EPB41: variants seen among roughly 807,000 people sequenced by gnomAD.
The protein encoded by EPB41 is erythrocyte membrane protein band 4.1, also known as protein 4.1.
A neutral mutation model predicts 108.0 loss-of-function variants in EPB41; 65 were observed. The ratio of observed to expected loss-of-function variants is 0.60; its 90% CI spans 0.49 to 0.74. The LOEUF is 0.74. Among genes scored for constraint, EPB41 ranks in the 30% least tolerant of loss-of-function variants. EPB41 has a pLI of 0.00. For missense variants in EPB41, 875 were observed against 1,037.0 expected, an observed-to-expected ratio of 0.84 and a Z score of 2.15; for synonymous variants, 336 against 358.9, an observed-to-expected ratio of 0.94 and a Z score of 0.72.
chr1:28,968,529 G>A (rs2095416320), intron 1 of EPB41, among the ~76,000 whole-genome samples: 1 of 151,984 alleles, frequency 6.6e-6, no homozygotes. Context: ...ATTTATGATT[G>A]TATAGAGAAT....
chr1:28,922,101 C>G (rs1009597850), intron 1 of EPB41, among the ~76,000 whole-genome samples: 28 of 150,648 alleles, frequency 1.9e-4, no homozygotes, highest in African/African-American at 6.4e-4. Context: ...TCCCAAGTAG[C>G]TGGCATTACA....
At position 29,047,551 on chromosome 1, in the gene EPB41, G is replaced by A. The variant is rs145664770; in HGVS notation, c.1637-5553G>A. On this transcript the variant is annotated intron_variant, in intron 11 of 20. Coordinates refer to ENST00000343067, the MANE Select transcript of EPB41 (RefSeq NM_001376013.1). ...TTATAGGTGTGAGTCATCGCACCTG[G>A]CCTAGTTGTGTTTTTCTAGGAAATG... 1.7e-3 allele frequency among the ~76,000 whole-genome samples: 263 copies of A among 151,790 alleles called. 1 individual carries two copies. The highest frequency in any genetic ancestry group is 5.7e-3 in the African/African-American group (236 of 41,374).
chr1:29,028,685 TTTC>T (rs2150239883), intron 7 of EPB41, among the ~76,000 whole-genome samples: 1 of 152,238 alleles, frequency 6.6e-6, no homozygotes, highest in Non-Finnish European at 1.5e-5. Context: ...TGAGAACCTG[TTTC>T]TTCAACAGCA....
At chr1:28,996,934 C>G (rs1342207197) in intron 3 of EPB41, among the ~76,000 whole-genome samples, 1 of 152,050 alleles carries the variant, frequency 6.6e-6, no homozygotes, top group Non-Finnish European at 1.5e-5. Context: ...GGGGGAATCA[C>G]TTGAGCCCGG....
chr1:29,112,316 T>G, intron 18 of EPB41, 52 bp from the exon 19 acceptor site: 1 of 1,493,918 alleles, frequency 6.7e-7, no homozygotes, highest in Non-Finnish European at 9.3e-7. Flanking sequence ...TTCTTTTTTT[T>G]TAATTCTTGT....
intron 4 of EPB41, 69 bp from the exon 5 acceptor site, chr1:29,011,796 C>T: frequency 1.3e-6 from 2 of 1,546,546 alleles, no homozygotes; most frequent in Middle Eastern, 1.7e-4. Flanking sequence ...AGTCAGTGAT[C>T]TTGCTTCCAG....
At chr1:28,990,621 G>A (rs1015599530) in intron 2 of EPB41, among the ~76,000 whole-genome samples, 5 of 151,644 alleles carry the variant, frequency 3.3e-5, no homozygotes, top group Non-Finnish European at 5.9e-5. Context: ...GTCTTGCTTT[G>A]TTGCCTAGGC....
rs1418786015 is a variant in EPB41, at chr1:29,033,240, G to A, written c.1360G>A (p.Gly454Arg). ...RSSFFIKIRP[G>R]EQEQYESTIG... Reference sequence around the variant, plus strand: ...TAGCTTTTTCATCAAGATTCGGCCTGGAGAGGTACAGAATTTATATTTCCT... The same window carrying A: ...TAGCTTTTTCATCAAGATTCGGCCTAGAGAGGTACAGAATTTATATTTCCT... The change falls in exon 9 of 21, where the codon GGA (glycine) becomes AGA (arginine). Residue 454 changes from glycine to arginine, a missense_variant. Transcript: ENST00000343067. The A allele has an allele frequency of 6.2e-7, 1 of 1,613,688 alleles. No individual in the cohort carries two copies. Among genetic ancestry groups the A allele is most frequent in the African/African-American group, 1.3e-5 (1 of 74,888 alleles).
chr1:28,982,438 C>T (rs1482126740), intron 1 of EPB41: 3 of 756,734 alleles, frequency 4.0e-6, no homozygotes, highest in Non-Finnish European at 7.4e-6. Context: ...CTTCTTCTTG[C>T]CCATGGCAGC....
At chr1:28,998,894 A>G (rs1193825587) in intron 4 of EPB41, among the ~76,000 whole-genome samples, 2 of 152,224 alleles carry the variant, frequency 1.3e-5, no homozygotes, top group African/African-American at 4.8e-5. Context: ...AAAAATCATA[A>G]CATCACTTTC....
chr1:29,015,252 T>C (rs1572483933), intron 5 of EPB41, among the ~76,000 whole-genome samples: 1 of 151,202 alleles, frequency 6.6e-6, no homozygotes, highest in African/African-American at 2.4e-5. Context: ...TTTAAAGATG[T>C]ATTAATATAA....
intron 1 of EPB41, among the ~76,000 whole-genome samples, chr1:28,968,092 C>G (rs1432697986): frequency 6.6e-6 from 1 of 152,100 alleles, no homozygotes; most frequent in Non-Finnish European, 1.5e-5. Flanking sequence ...GGCACGGTGG[C>G]TCACGCCTGT....
intron 1 of EPB41, among the ~76,000 whole-genome samples, chr1:28,978,394 G>A (rs1232651074): frequency 6.6e-6 from 1 of 151,482 alleles, no homozygotes; most frequent in East Asian, 1.9e-4. Context: ...AATCCCTAAT[G>A]TCTACAATCC....
chr1:29,076,480 G>A (rs1654117580), intron 16 of EPB41, among the ~76,000 whole-genome samples: 1 of 152,138 alleles, frequency 6.6e-6, no homozygotes, highest in Non-Finnish European at 1.5e-5. Context: ...TAGTATCAGT[G>A]TTATATTTTG....
chr1:29,020,255 G>C (rs2096627507), intron 7 of EPB41, among the ~76,000 whole-genome samples: 1 of 151,772 alleles, frequency 6.6e-6, no homozygotes, highest in Non-Finnish European at 1.5e-5. Flanking sequence ...TTTTAGTAGA[G>C]ACGGGGTTTC....
In EPB41 at chr1:29,036,319, G is replaced by A. The variant is rs551837393; in HGVS notation, c.1463+396G>A. Among the ~76,000 whole-genome samples, 544 of 149,726 alleles carry A rather than the reference G, an allele frequency of 3.6e-3. 1 individual carries two copies. The highest frequency in any genetic ancestry group is 6.6e-3 in the Non-Finnish European group (448 of 67,720). ...TTGTTGCCCAGGCTGGAGTGCCGTG[G>A]CGCGATCTCGGCTCACTGCAACCTC... On this transcript the variant is annotated intron_variant, in intron 10 of 20. Coordinates refer to ENST00000343067, the MANE Select transcript of EPB41 (RefSeq NM_001376013.1).
chr1:28,990,689 G>C (rs1220675680), intron 2 of EPB41, among the ~76,000 whole-genome samples: 1 of 152,018 alleles, frequency 6.6e-6, no homozygotes, highest in Non-Finnish European at 1.5e-5. Flanking sequence ...AGAATGCTGG[G>C]ATTACAGGCA....
In EPB41 at chr1:29,115,798, G is replaced by A. The variant is rs1313702647; in HGVS notation, c.*1G>A. On this transcript the variant is annotated 3_prime_UTR_variant, in exon 20 of 21. Coordinates refer to ENST00000343067, the MANE Select transcript of EPB41 (RefSeq NM_001376013.1). The surrounding 1 kb of genome is among the most constrained non-coding windows in gnomAD (Gnocchi z 4.4). ...GGAGACCGAGATTGCTGATGAGTGA[G>A]CTCAGGTACTGGGCGTTCCTGCTGG... 1.9e-6 allele frequency: 3 copies of A among 1,613,282 alleles called. No individual in the cohort carries two copies. In the African/African-American group the frequency reaches 4.0e-5, roughly 22 times the overall value.
At chr1:28,933,746 A>C (rs1358202692) in intron 1 of EPB41, among the ~76,000 whole-genome samples, 1 of 152,132 alleles carries the variant, frequency 6.6e-6, no homozygotes, top group African/African-American at 2.4e-5. Flanking sequence ...ATTTTTGGGA[A>C]GAATACAGAG....
Sources: allele counts gnomAD v4.1 joint callset (sites outside exome capture counted in the v4.1 genomes callset), GRCh38; gene constraint gnomAD v4.1.1; non-coding constraint Gnocchi (gnomAD v3.1); transcripts MANE v1.5; gene names NCBI Gene and HGNC (gene_info 2026-07-23, HGNC 2026-07-21).